ACVR1C: variants seen among roughly 807,000 people sequenced by gnomAD.
ACVR1C encodes activin receptor type-1C.
In ACVR1C, 23 loss-of-function variants were observed where a neutral mutation model predicts 57.9. That is an observed-to-expected ratio of 0.40 (90% CI 0.29 to 0.56). The LOEUF is 0.56. Among genes scored for constraint, ACVR1C ranks in the 20% least tolerant of loss-of-function variants. ACVR1C has a pLI of 0.50. For synonymous variants in ACVR1C, 214 were observed against 215.3 expected, an observed-to-expected ratio of 0.99 and a Z score of 0.05; for missense variants, 480 against 607.9, an observed-to-expected ratio of 0.79 and a Z score of 2.21.
In ACVR1C at chr2:157,531,346, C is replaced by T. The variant is rs929740300; in HGVS notation, c.*2572G>A. On this transcript the variant is annotated 3_prime_UTR_variant, in exon 9 of 9. Coordinates refer to ENST00000243349, the MANE Select transcript of ACVR1C (RefSeq NM_145259.3). ...ATTTTGTAATTGAAATATAAGACTA[C>T]TCAGTTAGGAGTCATAGTTAAACAA... The T allele has an allele frequency of 1.3e-5, 2 of 151,922 alleles. No homozygotes were observed. The highest frequency in any genetic ancestry group is 2.9e-5 in the Non-Finnish European group (2 of 67,928). 9.4% of individuals were successfully genotyped at this position (151,922 alleles called of 1,614,324 possible).
chr2:157,608,263 T>A (rs1278317461), intron 1 of ACVR1C, among the ~76,000 whole-genome samples: 1 of 152,020 alleles, frequency 6.6e-6, no homozygotes, highest in East Asian at 1.9e-4. Context: ...TTGTTCTTCA[T>A]TCTGTTGATG....
At chr2:157,599,269 G>T (rs933552850) in intron 1 of ACVR1C, among the ~76,000 whole-genome samples, 1 of 130,608 alleles carries the variant, frequency 7.7e-6, no homozygotes, top group Non-Finnish European at 1.5e-5. Flanking sequence ...GAGAGGGGGA[G>T]CTCGCAGTGG....
chr2:157,545,359 C>A (rs1320999391), intron 4 of ACVR1C, among the ~76,000 whole-genome samples: 1 of 152,158 alleles, frequency 6.6e-6, no homozygotes, highest in Non-Finnish European at 1.5e-5. Flanking sequence ...TGCTAAGGAC[C>A]TATCTGGCCA....
rs374163856 is a variant in ACVR1C, at chr2:157,603,636, C to T, written c.74-16219G>A. Among the ~76,000 whole-genome samples, 37 of 152,170 alleles carry T rather than the reference C, an allele frequency of 2.4e-4. No homozygotes were observed. The South Asian group carries it at 7.2e-3, about 30-fold the overall frequency. On this transcript the variant is annotated intron_variant, in intron 1 of 8. Coordinates refer to ENST00000243349, the MANE Select transcript of ACVR1C (RefSeq NM_145259.3). The stretch of plus-strand genomic sequence containing the variant: ...ATGCTGCATTTACAATGAGCTTTAT[C>T]TGTGTACAGATAATGTCCCTGACTG...
chr2:157,553,183 C>G (rs1687961115), intron 3 of ACVR1C, among the ~76,000 whole-genome samples: 2 of 152,208 alleles, frequency 1.3e-5, no homozygotes, highest in Admixed American at 1.3e-4. Context: ...CAGACTCCCC[C>G]CTCCTCCAAT....
At chr2:157,599,162 G>A (rs1191264384) in intron 1 of ACVR1C, among the ~76,000 whole-genome samples, 1 of 151,336 alleles carries the variant, frequency 6.6e-6, no homozygotes, top group Non-Finnish European at 1.5e-5. Flanking sequence ...GTGAAACCCC[G>A]TCTCCACTAA....
intron 3 of ACVR1C, among the ~76,000 whole-genome samples, chr2:157,554,235 GAAA>G (rs1173473266): frequency 8.9e-6 from 1 of 112,342 alleles, no homozygotes; most frequent in African/African-American, 4.3e-5. Context: ...AAGAAAGAAA[GAAA>G]GAAAGAAAGA....
intron 7 of ACVR1C, among the ~76,000 whole-genome samples, chr2:157,540,884 C>G (rs1687610428): frequency 6.6e-6 from 1 of 152,120 alleles, no homozygotes; most frequent in Admixed American, 6.6e-5. Context: ...GAACTGTCAC[C>G]CCACTAAGCA....
intron 1 of ACVR1C, among the ~76,000 whole-genome samples, chr2:157,600,666 A>T (rs1682258872): frequency 1.3e-5 from 2 of 152,242 alleles, no homozygotes; most frequent in Non-Finnish European, 2.9e-5. Context: ...TTCTCAATGT[A>T]GAAATAAAAG....
intron 1 of ACVR1C, 70 bp from the exon 2 acceptor site, chr2:157,587,487 G>A: frequency 1.7e-6 from 2 of 1,146,560 alleles, no homozygotes; most frequent in South Asian, 2.7e-5. Flanking sequence ...TAATACCTGG[G>A]AATATAAATT....
chr2:157,543,589 T>A (rs1687670284), intron 5 of ACVR1C, among the ~76,000 whole-genome samples: 1 of 152,202 alleles, frequency 6.6e-6, no homozygotes, highest in Non-Finnish European at 1.5e-5. Context: ...AGAGATAAGC[T>A]ACATACACAA....
intron 1 of ACVR1C, among the ~76,000 whole-genome samples, chr2:157,599,179 C>G (rs556314340): frequency 1.3e-5 from 2 of 151,476 alleles, no homozygotes; most frequent in South Asian, 4.2e-4. Context: ...CTAAAAATAC[C>G]AAAAATTAGC....
At chr2:157,563,930 T>G (rs1688300038) in intron 2 of ACVR1C, among the ~76,000 whole-genome samples, 1 of 152,212 alleles carries the variant, frequency 6.6e-6, no homozygotes, top group Non-Finnish European at 1.5e-5. Flanking sequence ...AAACTAAAAC[T>G]GGATCCCTTC....
intron 4 of ACVR1C, among the ~76,000 whole-genome samples, chr2:157,549,911 G>A (rs1254793886): frequency 8.0e-5 from 12 of 149,914 alleles, no homozygotes; most frequent in South Asian, 2.1e-4. Context: ...GCTGAGGCAG[G>A]AGAATGGCAT....
rs1687281964 is a variant in ACVR1C, at chr2:157,528,455, A to G, written c.*5463T>C. 6.6e-6 allele frequency: 1 copy of G among 152,174 alleles called. No individual in the cohort carries two copies. The highest frequency in any genetic ancestry group is 6.6e-5 in the Admixed American group (1 of 15,260). 9.4% of individuals were successfully genotyped at this position (152,174 alleles called of 1,614,324 possible). On this transcript the variant is annotated 3_prime_UTR_variant, in exon 9 of 9. Transcript: ENST00000243349. ...AAAATATTAAAATCTAGGATGAAATACAGCTCATATTCTCTCGAATGTATT... is the reference window on the plus strand; with the variant it reads ...AAAATATTAAAATCTAGGATGAAATGCAGCTCATATTCTCTCGAATGTATT...
intron 2 of ACVR1C, among the ~76,000 whole-genome samples, chr2:157,579,421 C>T (rs1201824910): frequency 1.3e-5 from 2 of 152,060 alleles, no homozygotes; most frequent in Admixed American, 1.3e-4. Flanking sequence ...TAAACCTATC[C>T]CTAAGTTGTG....
rs141387715 is a variant in ACVR1C, at chr2:157,560,079, T to A, written c.305-3747A>T. Among the ~76,000 whole-genome samples, 1,383 of 152,228 alleles carry A rather than the reference T, an allele frequency of 9.1e-3. 8 individuals are homozygous for A. Among genetic ancestry groups the A allele is most frequent in the Non-Finnish European group, 0.015 (1,006 of 67,992 alleles). On this transcript the variant is annotated intron_variant, in intron 2 of 8. Coordinates refer to ENST00000243349, the MANE Select transcript of ACVR1C (RefSeq NM_145259.3). ...GAGACCTGCGTGGACCTGGTGATTG[T>A]GAAAGTCACTGGTGGTTGCCACTGC... is the stretch of plus-strand genomic sequence containing the variant.
intron 2 of ACVR1C, among the ~76,000 whole-genome samples, chr2:157,560,704 G>T (rs1374858436): frequency 6.6e-6 from 1 of 152,160 alleles, no homozygotes; most frequent in Non-Finnish European, 1.5e-5. Context: ...ATAAAAGCCA[G>T]ACAAACCCTG....
At chr2:157,572,346 C>T (rs1313625620) in intron 2 of ACVR1C, among the ~76,000 whole-genome samples, 2 of 144,924 alleles carry the variant, frequency 1.4e-5, no homozygotes, top group South Asian at 4.4e-4. Flanking sequence ...TGCACATGTA[C>T]CCCAAAACTT....
Sources: gnomAD v4.1 joint callset for allele counts (sites outside exome capture counted in the v4.1 genomes callset) on GRCh38, gnomAD v4.1.1 for gene constraint, MANE v1.5 for transcripts, NCBI Gene and HGNC (gene_info 2026-07-23, HGNC 2026-07-21) for gene names.